XG: variants seen among roughly 807,000 people sequenced by gnomAD.
The protein encoded by XG is Xg glycoprotein (Xg blood group).
XG carries 24 observed loss-of-function variants against 25.7 expected under a neutral mutation model. The ratio of observed to expected loss-of-function variants is 0.93; its 90% CI spans 0.68 to 1.31. The LOEUF is 1.31. Ranked by LOEUF, XG falls within the 40% of genes most tolerant of loss-of-function variation. The pLI, the probability that XG is intolerant of heterozygous loss-of-function variation, is 0.00. For synonymous variants in XG, 77 were observed against 69.2 expected, an observed-to-expected ratio of 1.11 and a Z score of -0.56; for missense variants, 181 against 187.6, an observed-to-expected ratio of 0.96 and a Z score of 0.21.
At chrX:2,784,421 A>G (rs1047310557) in intron 4 of XG, among the ~76,000 whole-genome samples, 33 of 110,150 alleles carry the variant, frequency 3.0e-4, no homozygotes, top group African/African-American at 8.9e-4. Context: ...CATCTCTACT[A>G]AAAATACAAA....
chrX:2,779,707 C>T (rs1377934488), intron 3 of XG, among the ~76,000 whole-genome samples: 1 of 152,054 alleles, frequency 6.6e-6, no homozygotes, highest in Admixed American at 6.6e-5. Context: ...AGTGCAGTGG[C>T]GTGATCTTGG....
chrX:2,811,568 A>G (rs1483882360), intron 10 of XG, 116 bp downstream of exon 10: 2 of 482,774 alleles, frequency 4.1e-6, no homozygotes, highest in Non-Finnish European at 6.8e-6. Context: ...AATATACATA[A>G]CTTGCCTAAT....
chrX:2,801,452 T>C (rs1390230797), intron 7 of XG, among the ~76,000 whole-genome samples: 1 of 111,240 alleles, frequency 9.0e-6, no homozygotes, highest in Non-Finnish European at 1.9e-5. Flanking sequence ...ACATAGGGCT[T>C]ACAGACTGGT....
rs1344005955 is a variant in XG at position 2,780,666 on chromosome X, G to A, written c.128-1400G>A. 2.0e-5 allele frequency among the ~76,000 whole-genome samples: 3 copies of A among 151,654 alleles called. No homozygotes were observed. The East Asian group carries it at 5.8e-4, about 29-fold the overall frequency. ...CCAGGAGGCGGAGGTTGCAGGGAGC[G>A]GAGATCATGCCACTGCACTCCAGCT... On this transcript the variant is annotated intron_variant, in intron 3 of 10. Transcript: ENST00000644266.
intron 1 of XG, among the ~76,000 whole-genome samples, chrX:2,768,127 G>A (rs2050739304): frequency 6.6e-6 from 1 of 152,164 alleles, no homozygotes; most frequent in East Asian, 1.9e-4. Flanking sequence ...AGGAGGGACT[G>A]GGAGGGGAGA....
intron 1 of XG, among the ~76,000 whole-genome samples, chrX:2,754,017 AG>A (rs2050383821): frequency 1.3e-5 from 2 of 152,192 alleles, no homozygotes; most frequent in Admixed American, 1.3e-4. Context: ...AGCACTCTGA[AG>A]GCAGGTAAGG....
chrX:2,809,325 G>A (rs1339488698), intron 9 of XG, among the ~76,000 whole-genome samples: 6 of 111,628 alleles, frequency 5.4e-5, no homozygotes, highest in African/African-American at 2.0e-4. Flanking sequence ...AACCTTCATG[G>A]GAAGGAGCCT....
chrX:2,792,206 T>A (rs182896780), intron 5 of XG, among the ~76,000 whole-genome samples: 1 of 111,966 alleles, frequency 8.9e-6, no homozygotes, highest in Admixed American at 9.5e-5. Flanking sequence ...CACTTGAACC[T>A]GGGAGGCGGA....
intron 3 of XG, among the ~76,000 whole-genome samples, chrX:2,775,391 T>C (rs2050954817): frequency 6.6e-6 from 1 of 152,100 alleles, no homozygotes; most frequent in South Asian, 2.1e-4. Context: ...GATCACATAA[T>C]GTATATTTTT....
At chrX:2,760,580 A>AC (rs199731252) in intron 1 of XG, among the ~76,000 whole-genome samples, 22 of 77,550 alleles carry the variant, frequency 2.8e-4, no homozygotes, top group South Asian at 3.8e-4. Context: ...CTAAAAATAC[A>AC]AAAAAAAAAA....
At chrX:2,794,813 G>A (rs2086869185) in intron 6 of XG, among the ~76,000 whole-genome samples, 1 of 111,959 alleles carries the variant, frequency 8.9e-6, no homozygotes, top group South Asian at 3.7e-4. Flanking sequence ...CCAGGCTGGG[G>A]GACTGGATGG....
intron 1 of XG, among the ~76,000 whole-genome samples, chrX:2,770,128 C>G (rs972110721): frequency 1.3e-5 from 2 of 152,116 alleles, no homozygotes; most frequent in African/African-American, 4.8e-5. Flanking sequence ...TCAAAGTTTC[C>G]TGGCCATGAG....
At chrX:2,762,613 TG>T (rs1213132134) in intron 1 of XG, among the ~76,000 whole-genome samples, 1 of 152,172 alleles carries the variant, frequency 6.6e-6, no homozygotes, top group Non-Finnish European at 1.5e-5. Context: ...GAGAACAGAA[TG>T]GATTTCATCT....
At chrX:2,781,004 GA>G (rs2051107732) in intron 3 of XG, among the ~76,000 whole-genome samples, 1 of 151,900 alleles carries the variant, frequency 6.6e-6, no homozygotes, top group Non-Finnish European at 1.5e-5. Context: ...GGGGTCCCGA[GA>G]TTTATGTTCC....
Position 2,773,166 on chromosome X carries a change from A to G in XG, c.104-1550A>G, listed in dbSNP as rs372155296. 2.9e-4 allele frequency among the ~76,000 whole-genome samples: 44 copies of G among 150,218 alleles called. No homozygotes were observed. In the East Asian group the frequency reaches 5.5e-3, roughly 19 times the overall value. ...AAAGGACAGAGGAAAACAGGGAGGG[A>G]GGGAGGAAAAAGGATGGAAACAAGG... On this transcript the variant is annotated intron_variant, in intron 2 of 10. Coordinates refer to ENST00000644266, the MANE Select transcript of XG (RefSeq NM_001141919.2).
At chrX:2,801,847 T>G (rs1373530398) in intron 7 of XG, among the ~76,000 whole-genome samples, 1 of 110,847 alleles carries the variant, frequency 9.0e-6, no homozygotes, top group African/African-American at 3.3e-5. Flanking sequence ...TAGCTGGGAC[T>G]ACAGGCGCCC....
At chrX:2,760,809 C>T (rs1357407489) in intron 1 of XG, among the ~76,000 whole-genome samples, 4 of 150,664 alleles carry the variant, frequency 2.7e-5, no homozygotes, top group Admixed American at 6.6e-5. Flanking sequence ...TCCAACAGGA[C>T]TGCAGACCTT....
At chrX:2,760,905 G>A (rs1216061788) in intron 1 of XG, among the ~76,000 whole-genome samples, 1 of 152,044 alleles carries the variant, frequency 6.6e-6, no homozygotes, top group East Asian at 1.9e-4. Context: ...ACAAGCCAAG[G>A]AGAGAGGTCT....
At chrX:2,773,513 A>C in intron 2 of XG, among the ~76,000 whole-genome samples, 1 of 141,050 alleles carries the variant, frequency 7.1e-6, no homozygotes. Flanking sequence ...GAAGGAAGGA[A>C]GGAGAGAAGG....
Sources: gnomAD v4.1 joint callset for allele counts (sites outside exome capture counted in the v4.1 genomes callset) on GRCh38, gnomAD v4.1.1 for gene constraint, MANE v1.5 for transcripts, NCBI Gene and HGNC (gene_info 2026-07-23, HGNC 2026-07-21) for gene names.